KIZ: variants seen among roughly 807,000 people sequenced by gnomAD.
KIZ encodes centrosomal protein kizuna.
Under a neutral mutation model 79.6 loss-of-function variants are expected in KIZ, and 68 were observed. The ratio of observed to expected loss-of-function variants is 0.85; its 90% CI spans 0.70 to 1.05. The LOEUF is 1.05. Ranked by LOEUF, KIZ falls within the 50% of genes least tolerant of loss-of-function variation. The probability of loss-of-function intolerance (pLI) is 0.00; values close to 1 mark genes in which losing one functional copy is unlikely to be tolerated. For synonymous variants in KIZ, 280 were observed against 281.8 expected, an observed-to-expected ratio of 0.99 and a Z score of 0.06; for missense variants, 797 against 800.4, an observed-to-expected ratio of 1.00 and a Z score of 0.05.
chr20:21,229,689 C>T (rs1474999031), intron 10 of KIZ, among the ~76,000 whole-genome samples: 1 of 152,088 alleles, frequency 6.6e-6, no homozygotes, highest in Non-Finnish European at 1.5e-5. Flanking sequence ...ATCTTCCCTC[C>T]TCAGCCTCCC....
At chr20:21,213,322 G>T (rs903614613) in intron 7 of KIZ, among the ~76,000 whole-genome samples, 8 of 152,218 alleles carry the variant, frequency 5.3e-5, no homozygotes, top group African/African-American at 1.4e-4. Flanking sequence ...CTCCCTGTCG[G>T]AGTGTCTTCA....
intron 4 of KIZ, among the ~76,000 whole-genome samples, chr20:21,149,620 C>T (rs1450330423): frequency 6.6e-6 from 1 of 152,164 alleles, no homozygotes; most frequent in Admixed American, 6.5e-5. Context: ...AGTGCCACTG[C>T]AGGAGAGGCA....
intron 6 of KIZ, among the ~76,000 whole-genome samples, chr20:21,174,549 A>G (rs2034355665): frequency 6.6e-6 from 1 of 152,206 alleles, no homozygotes; most frequent in Non-Finnish European, 1.5e-5. Flanking sequence ...AGCAGTGGCA[A>G]TTTGACCTCT....
At chr20:21,233,039 C>T in intron 11 of KIZ, 1 of 552,580 alleles carries the variant, frequency 1.8e-6, no homozygotes, top group East Asian at 3.1e-5. Flanking sequence ...GCTGTTGTTT[C>T]CTTGGTTTAA....
chr20:21,166,783 C>T (rs200400733), intron 6 of KIZ, among the ~76,000 whole-genome samples: 3 of 151,738 alleles, frequency 2.0e-5, no homozygotes, highest in Non-Finnish European at 2.9e-5. Context: ...AGTAGAGACC[C>T]GGTTTCACTA....
At chr20:21,175,968 A>G (rs771302864) in intron 6 of KIZ, among the ~76,000 whole-genome samples, 1 of 152,084 alleles carries the variant, frequency 6.6e-6, no homozygotes, top group Non-Finnish European at 1.5e-5. Context: ...GTGAGCTGAG[A>G]TGGTGCCACT....
chr20:21,237,543 TC>T (rs995464482), intron 11 of KIZ, among the ~76,000 whole-genome samples: 2 of 151,910 alleles, frequency 1.3e-5, no homozygotes, highest in African/African-American at 4.8e-5. Context: ...GCTCCCCTTG[TC>T]CCCCTGCTGA....
At chr20:21,164,303 T>C (rs2033830305) in intron 6 of KIZ, among the ~76,000 whole-genome samples, 1 of 152,266 alleles carries the variant, frequency 6.6e-6, no homozygotes, top group African/African-American at 2.4e-5. Flanking sequence ...CAAACTGATG[T>C]TCAGGAAATA....
intron 1 of KIZ, among the ~76,000 whole-genome samples, chr20:21,127,499 A>G (rs1055009939): frequency 6.6e-6 from 1 of 152,230 alleles, no homozygotes; most frequent in African/African-American, 2.4e-5. Flanking sequence ...GTACTTTATG[A>G]TTAACACTTA....
intron 4 of KIZ, among the ~76,000 whole-genome samples, chr20:21,161,621 C>G (rs529531882): frequency 1.3e-5 from 2 of 152,234 alleles, no homozygotes; most frequent in African/African-American, 4.8e-5. Flanking sequence ...CATGAGCCAC[C>G]ACACCCGGCT....
At position 21,136,512 on chromosome 20, in the gene KIZ, T is replaced by C. The variant is rs753480360; in HGVS notation, c.275T>C (p.Val92Ala). The C allele has an allele frequency of 6.3e-6, 10 of 1,598,846 alleles. No homozygotes were observed. Among genetic ancestry groups the C allele is most frequent in the Non-Finnish European group, 6.8e-6 (8 of 1,172,720 alleles). The change falls in exon 3 of 13, where the codon GTA becomes GCA. Residue 92 changes from valine to alanine, a missense_variant. Physicochemically the swap from Val to Ala is moderately conservative, Grantham distance 64. Coordinates refer to ENST00000619189, the MANE Select transcript of KIZ (RefSeq NM_018474.6). ...KRFERVQAHV[V>A]HFTTNTEKLQ... ...TTTGAGCGTGTCCAAGCTCATGTTGTACACTTCACCACAAATACAGAGAAG... is the reference window on the plus strand; with the variant it reads ...TTTGAGCGTGTCCAAGCTCATGTTGCACACTTCACCACAAATACAGAGAAG...
chr20:21,192,148 A>G (rs1490969760), intron 6 of KIZ, among the ~76,000 whole-genome samples: 2 of 152,294 alleles, frequency 1.3e-5, no homozygotes, highest in Middle Eastern at 3.4e-3. Flanking sequence ...CTGGAAAACA[A>G]TTGGAATTTG....
chr20:21,190,179 C>T (rs1430063699), intron 6 of KIZ, among the ~76,000 whole-genome samples: 2 of 152,200 alleles, frequency 1.3e-5, no homozygotes, highest in African/African-American at 4.8e-5. Context: ...TTTCTAGTTA[C>T]ATGCTTAGAT....
At chr20:21,152,287 T>C (rs2033158635) in intron 4 of KIZ, among the ~76,000 whole-genome samples, 2 of 152,212 alleles carry the variant, frequency 1.3e-5, no homozygotes, top group Admixed American at 6.5e-5. Context: ...TAATAATTTT[T>C]ATACGATTTT....
intron 11 of KIZ, among the ~76,000 whole-genome samples, chr20:21,236,842 C>CA (rs932840344): frequency 1.3e-4 from 20 of 150,108 alleles, no homozygotes; most frequent in African/African-American, 2.7e-4. Context: ...ACTAAAAATA[C>CA]AAAAAAAATT....
intron 10 of KIZ, among the ~76,000 whole-genome samples, chr20:21,229,351 T>C (rs2036763164): frequency 6.6e-6 from 1 of 152,352 alleles, no homozygotes; most frequent in Admixed American, 6.5e-5. Context: ...AGGCCCTGGA[T>C]TCTGCCAAGC....
intron 7 of KIZ, among the ~76,000 whole-genome samples, chr20:21,213,288 G>A (rs1227241144): frequency 1.3e-5 from 2 of 152,042 alleles, no homozygotes; most frequent in African/African-American, 4.8e-5. Context: ...CGGGCCTTCC[G>A]ACCGGACCTT....
intron 4 of KIZ, among the ~76,000 whole-genome samples, chr20:21,153,238 T>TG (rs2033208957): frequency 6.6e-6 from 1 of 152,224 alleles, no homozygotes; most frequent in South Asian, 2.1e-4. Flanking sequence ...TCATTACCAT[T>TG]GTTGTTCTCC....
intron 7 of KIZ, among the ~76,000 whole-genome samples, chr20:21,211,144 T>G (rs1187445904): frequency 1.3e-5 from 2 of 152,128 alleles, no homozygotes; most frequent in Non-Finnish European, 2.9e-5. Flanking sequence ...AATTTAAGAG[T>G]CAGCTTAGAT....
Sources: gnomAD v4.1 joint callset for allele counts (sites outside exome capture counted in the v4.1 genomes callset) on GRCh38, gnomAD v4.1.1 for gene constraint, MANE v1.5 for transcripts, NCBI Gene and HGNC (gene_info 2026-07-23, HGNC 2026-07-21) for gene names.